The following CFAP91 variants were observed in gnomAD, a reference collection of about 807,000 sequenced individuals.
CFAP91 encodes the protein cilia and flagella associated protein 91.
Under a neutral mutation model 95.9 loss-of-function variants are expected in CFAP91, and 85 were observed. The ratio of observed to expected loss-of-function variants is 0.89; its 90% CI spans 0.74 to 1.06. The LOEUF (loss-of-function observed/expected upper bound fraction) is 1.06, where lower values mean the gene tolerates loss of function less well. Ranked by LOEUF, CFAP91 falls within the 50% of genes least tolerant of loss-of-function variation. The pLI is 0.00. For missense variants in CFAP91, 962 were observed against 943.4 expected (o/e 1.02, Z -0.26); for synonymous variants, 335 against 327.5 (o/e 1.02, Z -0.25).
chr3:119,730,130 C>G, intron 7 of CFAP91, 90 bp from the exon 8 acceptor site: 1 of 1,332,618 alleles, frequency 7.5e-7, no homozygotes, highest in Non-Finnish European at 1.0e-6. Flanking sequence ...TGATAGCAGC[C>G]CACAGAGAAG....
At position 119,739,245 on chromosome 3, in the gene CFAP91, G is replaced by A. The variant is rs766046821; in HGVS notation, c.1462-10G>A. The A allele has an allele frequency of 4.3e-6, 7 of 1,612,958 alleles. No homozygotes were observed. In the Admixed American group the frequency reaches 6.7e-5, roughly 15 times the overall value. Reference sequence around the variant, plus strand: ...TCTCAAGCTGCTTGGTTCTCCCTTTGTTCTTTTAGGAAGAAGAAGAAATGG... The same window carrying A: ...TCTCAAGCTGCTTGGTTCTCCCTTTATTCTTTTAGGAAGAAGAAGAAATGG... On this transcript the variant is annotated splice_polypyrimidine_tract_variant and intron_variant, in intron 11 of 17. Coordinates refer to ENST00000273390, the MANE Select transcript of CFAP91 (RefSeq NM_033364.4).
chr3:119,739,314 C>A lies in CFAP91; in HGVS notation c.1521C>A (p.Val507=). Residue 507 remains valine (V), a synonymous_variant, in exon 12 of 18, where the codon GTC becomes GTA. Coordinates refer to ENST00000273390, the MANE Select transcript of CFAP91 (RefSeq NM_033364.4). ...TTCAAAAGTTACTCCGGGGCAGAGT[C>A]GTTCAGAACATGGTGTGTAGGTCCA... ...IYLQKLLRGR[V]VQNMMFEGKE... The A allele has an allele frequency of 1.2e-6, 2 of 1,614,034 alleles. No homozygotes were observed. Among genetic ancestry groups the A allele is most frequent in the Non-Finnish European group, 1.7e-6 (2 of 1,179,940 alleles).
At chr3:119,738,287 A>G (rs1455861409) in intron 11 of CFAP91, among the ~76,000 whole-genome samples, 1 of 131,830 alleles carries the variant, frequency 7.6e-6, no homozygotes, top group Admixed American at 8.3e-5. Flanking sequence ...GCTGGATAAC[A>G]TTCTCTTTTC....
chr3:119,764,438 C>T (rs994144029), intron 17 of CFAP91, among the ~76,000 whole-genome samples: 2 of 152,118 alleles, frequency 1.3e-5, no homozygotes, highest in African/African-American at 2.4e-5. Flanking sequence ...CATTGAAAAA[C>T]GGGTAAGCAG....
At chr3:119,724,057 A>G (rs2053734402) in intron 6 of CFAP91, among the ~76,000 whole-genome samples, 1 of 151,966 alleles carries the variant, frequency 6.6e-6, no homozygotes. Flanking sequence ...AATCCCAGCT[A>G]CTAGGGAGGC....
rs2054179262 is a variant in CFAP91 at position 119,744,182 on chromosome 3, G to A, written c.1888G>A (p.Glu630Lys). 9 of 1,612,184 alleles carry A rather than the reference G, an allele frequency of 5.6e-6. No individual in the cohort carries two copies. Among genetic ancestry groups the A allele is most frequent in the Non-Finnish European group, 7.6e-6 (9 of 1,178,778 alleles). Reference protein sequence around the residue: ...VEKQRLREEDEIFKEVVKVHH... With the variant: ...VEKQRLREEDKIFKEVVKVHH... ...AAAACAGCGCCTGCGGGAGGAGGAC[G>A]AGATATTTAAGGAGGCAAGTAGGGG... is the stretch of plus-strand genomic sequence containing the variant. The change falls in exon 14 of 18, where the codon GAG becomes AAG. Residue 630 changes from glutamate (E) to lysine (K), a missense_variant. Physicochemically the swap from Glu to Lys is moderately conservative, Grantham distance 56. Transcript: ENST00000273390.
rs1316941935 is a variant in CFAP91 at position 119,732,471 on chromosome 3, A to G, written c.1196A>G (p.Tyr399Cys). The G allele has an allele frequency of 4.4e-6, 7 of 1,580,734 alleles. No homozygotes were observed. The highest frequency in any genetic ancestry group is 2.4e-5 in the South Asian group (2 of 83,278). The change falls in exon 9 of 18, where the codon TAT becomes TGT. Residue 399 changes from tyrosine to cysteine, a missense_variant. Coordinates refer to ENST00000273390, the MANE Select transcript of CFAP91 (RefSeq NM_033364.4). Reference protein sequence around the residue: ...FVVKNYYLNTYEGLVELESCL... With the variant: ...FVVKNYYLNTCEGLVELESCL... ...GTAAAAAACTACTATCTCAACACCT[A>G]TGAAGGTAAGCAATTTACATAATTA...
At chr3:119,737,317 T>C (rs2054028622) in intron 10 of CFAP91, 49 bp from the exon 11 acceptor site, 2 of 1,189,396 alleles carry the variant, frequency 1.7e-6, no homozygotes, top group Non-Finnish European at 2.4e-6. Context: ...CTTAAATTTA[T>C]GCAAATTTTT....
intron 5 of CFAP91, chr3:119,710,171 G>T: frequency 9.9e-6 from 3 of 301,822 alleles, no homozygotes; most frequent in Non-Finnish European, 1.8e-5. Context: ...TGTATATGAT[G>T]GATTATGATA....
Position 119,743,927 on chromosome 3 carries a change from C to T in CFAP91, c.1681-48C>T. On this transcript the variant is annotated intron_variant, in intron 13 of 17. Transcript: ENST00000273390. ...ATCCAGCACTTCTTCTAATAATCACCACTCATAATGGAATTTGTGTCCTTA... is the reference window on the plus strand; with the variant it reads ...ATCCAGCACTTCTTCTAATAATCACTACTCATAATGGAATTTGTGTCCTTA... 5 of 1,469,782 alleles carry T rather than the reference C, an allele frequency of 3.4e-6. No homozygotes were observed. The South Asian group carries it at 6.7e-5, about 20-fold the overall frequency. The allele number at this position is 1,469,782 out of a possible 1,614,324, so 91.0% of individuals were successfully genotyped here. A position where few individuals can be genotyped will look rare whatever the true frequency, so the allele number is the denominator to read the frequency against.
chr3:119,731,101 A>G (rs1178211733), intron 8 of CFAP91, among the ~76,000 whole-genome samples: 1 of 152,046 alleles, frequency 6.6e-6, no homozygotes, highest in Admixed American at 6.6e-5. Flanking sequence ...AGCCTGATGT[A>G]ATGGTACACA....
In CFAP91 at chr3:119,733,469, C is replaced by G; in HGVS notation, c.1307C>G (p.Ala436Gly). 6.2e-7 allele frequency: 1 copy of G among 1,614,034 alleles called. No individual in the cohort carries two copies. The change falls in exon 10 of 18, where the codon GCA (alanine) becomes GGA (glycine). Residue 436 changes from alanine (A) to glycine (G), a missense_variant. Transcript: ENST00000273390. ...ACCAAAGCTGGTTTTCTGAAGAGGGCAGCAAGGTTGGACTATGAGTTGGCA... is the reference window on the plus strand; with the variant it reads ...ACCAAAGCTGGTTTTCTGAAGAGGGGAGCAAGGTTGGACTATGAGTTGGCA... ...ITTKAGFLKRAARLDYELAEV... is the reference protein window; with the variant it reads ...ITTKAGFLKRGARLDYELAEV...
At chr3:119,732,234 C>A (rs896061738) in intron 8 of CFAP91, 60 bp from the exon 9 acceptor site, 4 of 1,344,310 alleles carry the variant, frequency 3.0e-6, no homozygotes, top group Non-Finnish European at 3.1e-6. Context: ...GCTTACTCTT[C>A]TGCATTTGTA....
At chr3:119,728,693 T>C (rs773271374) in intron 7 of CFAP91, among the ~76,000 whole-genome samples, 1 of 152,194 alleles carries the variant, frequency 6.6e-6, no homozygotes, top group African/African-American at 2.4e-5. Context: ...TGTGACATCT[T>C]GCTGTCCCTC....
At chr3:119,761,757 T>G (rs1226919258) in intron 17 of CFAP91, among the ~76,000 whole-genome samples, 1 of 151,886 alleles carries the variant, frequency 6.6e-6, no homozygotes, top group African/African-American at 2.4e-5. Flanking sequence ...TATCAATAGA[T>G]TCAGAAAAAA....
intron 3 of CFAP91, among the ~76,000 whole-genome samples, chr3:119,708,366 C>T (rs1432130823): frequency 1.3e-5 from 2 of 151,838 alleles, no homozygotes; most frequent in Non-Finnish European, 2.9e-5. Context: ...TAAATCCACT[C>T]TTTTCTCAGC....
At chr3:119,762,930 A>C (rs887939437) in intron 17 of CFAP91, among the ~76,000 whole-genome samples, 1 of 151,942 alleles carries the variant, frequency 6.6e-6, no homozygotes, top group South Asian at 2.1e-4. Flanking sequence ...TTTGGATATG[A>C]CTCAAAAGCA....
At chr3:119,738,740 AC>A (rs2054060737) in intron 11 of CFAP91, among the ~76,000 whole-genome samples, 1 of 151,928 alleles carries the variant, frequency 6.6e-6, no homozygotes, top group Non-Finnish European at 1.5e-5. Context: ...CGATTTCCAG[AC>A]CCTGCTTTTT....
intron 6 of CFAP91, 83 bp downstream of exon 6, chr3:119,715,826 A>G (rs1026261354): frequency 7.9e-7 from 1 of 1,273,248 alleles, no homozygotes; most frequent in Non-Finnish European, 1.1e-6. Context: ...TGTACAGGCA[A>G]TTGTGGTTTA....
Sources: gnomAD v4.1 joint callset for allele counts (sites outside exome capture counted in the v4.1 genomes callset) on GRCh38, gnomAD v4.1.1 for gene constraint, MANE v1.5 for transcripts, NCBI Gene and HGNC (gene_info 2026-07-23, HGNC 2026-07-21) for gene names.